The following EXOC6B variants were observed in gnomAD, a reference collection of about 807,000 sequenced individuals.
The protein encoded by EXOC6B is SEC15 homolog B.
In EXOC6B, 54 loss-of-function variants were observed where a neutral mutation model predicts 113.5. That is an observed-to-expected ratio of 0.48 (90% CI 0.38 to 0.60). The LOEUF (loss-of-function observed/expected upper bound fraction) is 0.60. EXOC6B is among the 20% of genes least tolerant of loss of function. EXOC6B has a pLI of 0.00. For missense variants in EXOC6B, 797 were observed against 977.5 expected (o/e 0.82, Z 2.46); for synonymous variants, 357 against 339.0 (o/e 1.05, Z -0.58).
At chr2:72,720,737 G>A (rs1679946681) in intron 5 of EXOC6B, among the ~76,000 whole-genome samples, 1 of 151,982 alleles carries the variant, frequency 6.6e-6, no homozygotes, top group African/African-American at 2.4e-5. Flanking sequence ...CTGGGTAACA[G>A]AGTGAGACCC....
At chr2:72,209,147 C>T (rs1473892596) in intron 20 of EXOC6B, among the ~76,000 whole-genome samples, 2 of 138,944 alleles carry the variant, frequency 1.4e-5, no homozygotes, top group East Asian at 2.2e-4. Context: ...CGCTTGAACC[C>T]GGGAGGCAGA....
At position 72,310,850 on chromosome 2, in the gene EXOC6B, AACACACACACACAC is replaced by A. The variant is rs375159478; in HGVS notation, c.2196+24083_2196+24096del. 6.7e-3 allele frequency among the ~76,000 whole-genome samples: 811 copies of A among 120,344 alleles called. 7 individuals are homozygous for A. The highest frequency in any genetic ancestry group is 0.031 in the African/African-American group (774 of 24,948). The allele number at this position is 120,344 out of a possible 152,430, so 79.0% of individuals were successfully genotyped here. A position where few individuals can be genotyped will look rare whatever the true frequency, so the allele number is the denominator to read the frequency against. ...GCATTTTACATGTGTTATTTCATTTAACACACACACACACACACACACACACACACACACACACA... is the reference window on the plus strand; with the variant it reads ...GCATTTTACATGTGTTATTTCATTTAACACACACACACACACACACACACA... On this transcript the variant is annotated intron_variant, in intron 20 of 21. Transcript: ENST00000272427.
intron 18 of EXOC6B, among the ~76,000 whole-genome samples, chr2:72,404,909 C>T (rs1195837704): frequency 6.6e-6 from 1 of 151,914 alleles, no homozygotes; most frequent in South Asian, 2.1e-4. Flanking sequence ...CAAACTACAC[C>T]AAGCTAAAGG....
rs915604824 is a variant in EXOC6B at position 72,426,929 on chromosome 2, T to A, written c.1980+38231A>T. Among the ~76,000 whole-genome samples the A allele has an allele frequency of 5.9e-5, 9 of 152,160 alleles. No homozygotes were observed. The East Asian group carries it at 1.7e-3, about 29-fold the overall frequency. ...GGCAGTGGGTCACCTATGCCCCATG[T>A]CCCCGAGGCAGCCAAATGCACTGCT... On this transcript the variant is annotated intron_variant, in intron 18 of 21. Coordinates refer to ENST00000272427, the MANE Select transcript of EXOC6B (RefSeq NM_015189.3).
At chr2:72,737,396 T>C (rs1332437536) in intron 2 of EXOC6B, among the ~76,000 whole-genome samples, 1 of 152,140 alleles carries the variant, frequency 6.6e-6, no homozygotes, top group East Asian at 1.9e-4. Flanking sequence ...ATGGTTCACT[T>C]TTTTAATAGA....
intron 18 of EXOC6B, among the ~76,000 whole-genome samples, chr2:72,396,050 A>G (rs1692705905): frequency 6.6e-6 from 1 of 152,146 alleles, no homozygotes; most frequent in Admixed American, 6.5e-5. Context: ...TAAAATTTTA[A>G]TATGAACTAG....
chr2:72,651,239 A>G (rs946267691), intron 6 of EXOC6B, among the ~76,000 whole-genome samples: 2 of 152,234 alleles, frequency 1.3e-5, no homozygotes, highest in Non-Finnish European at 2.9e-5. Flanking sequence ...CTGTTAGGAA[A>G]TGGTAGAGCC....
At chr2:72,213,202 T>G (rs1680303387) in intron 20 of EXOC6B, among the ~76,000 whole-genome samples, 1 of 152,200 alleles carries the variant, frequency 6.6e-6, no homozygotes. Context: ...GACTTGTGAG[T>G]GAAGCCATCC....
chr2:72,716,487 C>T (rs529231546), intron 6 of EXOC6B, among the ~76,000 whole-genome samples: 2 of 152,020 alleles, frequency 1.3e-5, no homozygotes, highest in South Asian at 4.2e-4. Context: ...ACTCAAGGAT[C>T]CTGAGATGAA....
At chr2:72,559,604 G>T in intron 7 of EXOC6B, 83 bp from the exon 8 acceptor site, 2 of 1,159,022 alleles carry the variant, frequency 1.7e-6, no homozygotes, top group Non-Finnish European at 2.5e-6. Context: ...CAAGTGTTTG[G>T]TTCTTTTTAT....
intron 18 of EXOC6B, among the ~76,000 whole-genome samples, chr2:72,449,756 T>C (rs1265194788): frequency 1.3e-5 from 2 of 152,156 alleles, no homozygotes; most frequent in South Asian, 2.1e-4. Flanking sequence ...TGGCAAACTA[T>C]ATACCAAGTA....
chr2:72,560,919 T>G (rs1359489839), intron 7 of EXOC6B, among the ~76,000 whole-genome samples: 2 of 151,692 alleles, frequency 1.3e-5, no homozygotes, highest in African/African-American at 4.8e-5. Context: ...ATGTGCAGCA[T>G]GCAGTTTAAA....
intron 18 of EXOC6B, among the ~76,000 whole-genome samples, chr2:72,433,912 T>C (rs1234197870): frequency 2.0e-5 from 3 of 152,328 alleles, no homozygotes; most frequent in Non-Finnish European, 4.4e-5. Flanking sequence ...TCCTGCCTGA[T>C]TGCCCTGGCG....
intron 20 of EXOC6B, among the ~76,000 whole-genome samples, chr2:72,199,729 GA>G (rs1679379100): frequency 6.6e-6 from 1 of 152,086 alleles, no homozygotes. Context: ...CATCCTACAT[GA>G]AACAATTTTT....
chr2:72,516,486 T>A (rs890339461), intron 8 of EXOC6B, among the ~76,000 whole-genome samples: 8 of 152,094 alleles, frequency 5.3e-5, no homozygotes, highest in Non-Finnish European at 1.0e-4. Flanking sequence ...GATTTTGTGA[T>A]CCACCTGGCC....
chr2:72,240,426 C>T (rs181708430), intron 20 of EXOC6B, among the ~76,000 whole-genome samples: 274 of 151,636 alleles, frequency 1.8e-3, no homozygotes, highest in Non-Finnish European at 2.4e-3. Context: ...TTAATACTTA[C>T]GGAAAAAAAA....
At chr2:72,706,007 A>G (rs1468844021) in intron 6 of EXOC6B, among the ~76,000 whole-genome samples, 3 of 152,202 alleles carry the variant, frequency 2.0e-5, no homozygotes, top group Non-Finnish European at 4.4e-5. Context: ...AGAATAAACC[A>G]AACTTCATTG....
At chr2:72,313,513 T>C (rs907159862) in intron 20 of EXOC6B, among the ~76,000 whole-genome samples, 8 of 152,148 alleles carry the variant, frequency 5.3e-5, no homozygotes, top group Non-Finnish European at 1.2e-4. Context: ...TCACTATCTC[T>C]GCATAAGAGA....
intron 20 of EXOC6B, among the ~76,000 whole-genome samples, chr2:72,334,602 G>A (rs1688583567): frequency 6.6e-6 from 1 of 152,072 alleles, no homozygotes; most frequent in South Asian, 2.1e-4. Context: ...CTGCATCAGT[G>A]CACCTGCTTA....
Sources: gnomAD v4.1 joint callset for allele counts (sites outside exome capture counted in the v4.1 genomes callset) on GRCh38, gnomAD v4.1.1 for gene constraint, MANE v1.5 for transcripts, NCBI Gene and HGNC (gene_info 2026-07-23, HGNC 2026-07-21) for gene names.